The following L1CAM variants were observed in gnomAD, a reference collection of about 807,000 sequenced individuals.
L1CAM encodes L1 cell adhesion molecule.
L1CAM carries 8 observed loss-of-function variants against 93.0 expected under a neutral mutation model. The observed-to-expected ratio is 0.09, with a 90% CI of 0.05 to 0.16. The LOEUF is 0.16. Ranked by LOEUF, L1CAM falls within the 10% of genes least tolerant of loss-of-function variation. The pLI, the probability that L1CAM is intolerant of heterozygous loss-of-function variation, is 1.00. For missense variants in L1CAM, 777 were observed against 1,073.4 expected (o/e 0.72, Z 3.86); for synonymous variants, 453 against 453.0 (o/e 1.00, Z 0.00).
chrX:153,880,281 C>T (rs782050632), intron 1 of L1CAM: 76 of 147,175 alleles, frequency 5.2e-4, no homozygotes, highest in Non-Finnish European at 7.8e-4. Flanking sequence ...CCACCACACA[C>T]CTTGAGAAGG....
At chrX:153,869,980 G>A (rs782765225) in intron 9 of L1CAM, 46 bp from the exon 10 acceptor site, 13 of 1,208,088 alleles carry the variant, frequency 1.1e-5, no homozygotes, top group Non-Finnish European at 1.5e-5. Flanking sequence ...CCAGCAGCTG[G>A]CTCTTGACCC....
intron 1 of L1CAM, chrX:153,885,396 GC>G: frequency 2.0e-6 from 2 of 982,510 alleles, no homozygotes; most frequent in Non-Finnish European, 2.6e-6. Context: ...GGCGCCCTAC[GC>G]CTCCGGGGAG....
In L1CAM at chrX:153,868,829, C is replaced by T. The variant is rs376186883; in HGVS notation, c.1379+12G>A. 1.2e-5 allele frequency: 15 copies of T among 1,204,682 alleles called. No individual in the cohort carries two copies. Among genetic ancestry groups the T allele is most frequent in the African/African-American group, 8.7e-5 (5 of 57,316 alleles). ...GACACGACACTCACCACTACCAGGA[C>T]GAGACACTCACCACTGAACACTGGG... On this transcript the variant is annotated intron_variant, in intron 12 of 28. Transcript: ENST00000370060.
intron 25 of L1CAM, 103 bp from the exon 26 acceptor site, chrX:153,864,120 A>C: frequency 8.9e-7 from 1 of 1,119,081 alleles, no homozygotes; most frequent in Admixed American, 2.2e-5. Flanking sequence ...GGGGCTAAGG[A>C]GTGACAGGGA....
Position 153,868,641 on chromosome X carries a change from G to A in L1CAM, c.1466C>T (p.Ala489Val). The A allele has an allele frequency of 8.3e-7, 1 of 1,211,337 alleles. No individual in the cohort carries two copies. The change falls in exon 13 of 29, where the codon GCC becomes GTC. Residue 489 changes from alanine to valine, a missense_variant. Coordinates refer to ENST00000370060, the MANE Select transcript of L1CAM (RefSeq NM_001278116.2). The part of the protein sequence containing the change: ...NGTLGIRDLQ[A>V]NDTGRYFCLA... ...GCAGAAGTAGCGTCCGGTGTCATTG[G>A]CCTGGAGGTCTCGAATGCCCAGGGT... is the stretch of plus-strand genomic sequence containing the variant.
At chrX:153,865,605 C>A (rs2064705889) in intron 20 of L1CAM, 99 bp downstream of exon 20, 13 of 1,028,173 alleles carry the variant, frequency 1.3e-5, no homozygotes, top group Non-Finnish European at 1.6e-5. Flanking sequence ...CAACCCAAGT[C>A]TTCCAGGAGA....
intron 1 of L1CAM, 154 bp downstream of exon 1, chrX:153,885,911 C>T (rs782819687): frequency 5.9e-6 from 5 of 849,195 alleles, no homozygotes; most frequent in South Asian, 6.1e-5. Flanking sequence ...GAGCCCGACG[C>T]CCGGCATGGG....
At chrX:153,878,052 A>G (rs1449930138) in intron 1 of L1CAM, among the ~76,000 whole-genome samples, 7 of 112,447 alleles carry the variant, frequency 6.2e-5, no homozygotes, top group Non-Finnish European at 1.3e-4. Flanking sequence ...GACCACTTCA[A>G]TTCCAAACAG....
At position 153,864,707 on chromosome X, in the gene L1CAM, G is replaced by A. The variant is rs1557090166; in HGVS notation, c.3047-3C>T. 1 of 1,212,190 alleles carries A rather than the reference G, an allele frequency of 8.2e-7. No homozygotes were observed. The highest frequency in any genetic ancestry group is 2.2e-5 in the Admixed American group (1 of 46,140). ...GATGTTGCCAAAATCTGAGATCCCT[G>A]GGGGGATGCAGGGGAACGAGGAGAG... On this transcript the variant is annotated splice_region_variant and splice_polypyrimidine_tract_variant and intron_variant, in intron 23 of 28. Transcript: ENST00000370060.
Position 153,867,513 on chromosome X carries a change from T to G in L1CAM, c.1980A>C (p.Glu660Asp), listed in dbSNP as rs782503400. ...GAACCTTGCCCAGACTGTACCATTT[T>G]TCAGGCGCCATTTCCTTGTCCTCAA... Reference protein sequence around the residue: ...IEFEDKEMAPEKWYSLGKVPG... With the variant: ...IEFEDKEMAPDKWYSLGKVPG... Residue 660 changes from glutamate (E) to aspartate (D), a missense_variant, in exon 17 of 29, where the codon GAA (glutamate) becomes GAC (aspartate). Physicochemically the swap from Glu to Asp is conservative, Grantham distance 45. Around this residue, in one of 5 missense-constraint regions of L1CAM, gnomAD observed 574 missense variants for 781.0 expected, o/e 0.73. Transcript: ENST00000370060. 1 of 1,211,660 alleles carries G rather than the reference T, an allele frequency of 8.3e-7. No homozygotes were observed. The highest frequency in any genetic ancestry group is 1.1e-6 in the Non-Finnish European group (1 of 895,083).
rs138320669 is a variant in L1CAM at position 153,867,882 on chromosome X, C to T, written c.1857G>A (p.Val619=). ...GCGTCAGCAGGTGCAGGTCGGACAGCACCAGCCGTGGCACCGGCCCAGGGC... is the reference window on the plus strand; with the variant it reads ...GCGTCAGCAGGTGCAGGTCGGACAGTACCAGCCGTGGCACCGGCCCAGGGC... ...VGSPGPVPRL[V]LSDLHLLTQS... The change falls in exon 16 of 29, where the codon GTG becomes GTA. Residue 619 remains valine (V), a synonymous_variant. Transcript: ENST00000370060. 5.0e-6 allele frequency: 6 copies of T among 1,208,940 alleles called. No individual in the cohort carries two copies. The African/African-American group carries it at 8.8e-5, about 18-fold the overall frequency.
intron 25 of L1CAM, 81 bp from the exon 26 acceptor site, chrX:153,864,098 G>A (rs1186421661): frequency 1.8e-5 from 21 of 1,153,888 alleles, no homozygotes; most frequent in South Asian, 5.5e-5. Flanking sequence ...TCTTAAAGTT[G>A]GGGCCCTCTG....
chrX:153,876,284 G>A (rs2064813590), intron 1 of L1CAM: 2 of 304,879 alleles, frequency 6.6e-6, no homozygotes, highest in Admixed American at 5.5e-5. Flanking sequence ...GTGTCTGCAT[G>A]TGCAGGTGTC....
rs1387424271 is a variant in L1CAM, at chrX:153,870,398, C to T, written c.796G>A (p.Ala266Thr). The change falls in exon 8 of 29, where the codon GCC (alanine) becomes ACC (threonine). Residue 266 changes from alanine (A) to threonine (T), a missense_variant. This residue lies in a region of L1CAM where 574 missense variants were observed against 781.0 expected (regional missense o/e 0.73). Coordinates refer to ENST00000370060, the MANE Select transcript of L1CAM (RefSeq NM_001278116.2). ...GGTTCCCAGACTCACAAGCCCTCGG[C>T]GATGCACTCCAGGACCAATGGCTGC... ...QGQPLVLECIAEGFPTPTIKW... is the reference protein window; with the variant it reads ...QGQPLVLECITEGFPTPTIKW... The T allele has an allele frequency of 8.3e-7, 1 of 1,208,530 alleles. No homozygotes were observed. Among genetic ancestry groups the T allele is most frequent in the African/African-American group, 1.7e-5 (1 of 57,551 alleles).
At chrX:153,885,204 G>A (rs2064871407) in intron 1 of L1CAM, among the ~76,000 whole-genome samples, 1 of 113,194 alleles carries the variant, frequency 8.8e-6, no homozygotes, top group South Asian at 3.6e-4. Context: ...TGTGGCAGTG[G>A]GCAAAAGACC....
chrX:153,864,951 G>A lies in L1CAM; in HGVS notation c.2916C>T (p.Asp972=). ...TCAGGTTGTGTGTCCGAAGTTCGGGGTCCCGAAGGTTGAAGGACAGTTGCC... is the reference window on the plus strand; with the variant it reads ...TCAGGTTGTGTGTCCGAAGTTCGGGATCCCGAAGGTTGAAGGACAGTTGCC... ...GKGQLSFNLR[D]PELRTHNLTD... The change falls in exon 23 of 29, where the codon GAC becomes GAT. Residue 972 remains aspartate, a synonymous_variant. Coordinates refer to ENST00000370060, the MANE Select transcript of L1CAM (RefSeq NM_001278116.2). The A allele has an allele frequency of 8.2e-7, 1 of 1,212,351 alleles. No homozygotes were observed. Among genetic ancestry groups the A allele is most frequent in the South Asian group, 1.8e-5 (1 of 57,031 alleles).
intron 7 of L1CAM, 79 bp from the exon 8 acceptor site, chrX:153,870,578 C>A: frequency 2.2e-6 from 2 of 893,650 alleles, no homozygotes; most frequent in South Asian, 2.1e-5. Context: ...ACTCGACACT[C>A]CAGCCAGCCC....
intron 2 of L1CAM, among the ~76,000 whole-genome samples, chrX:153,874,777 G>C (rs2064800097): frequency 1.8e-5 from 2 of 112,121 alleles, no homozygotes; most frequent in Non-Finnish European, 3.8e-5. Context: ...AGACACAAAT[G>C]CCCTCACACA....
intron 22 of L1CAM, 44 bp downstream of exon 22, chrX:153,865,044 C>T (rs201986895): frequency 3.2e-5 from 39 of 1,210,617 alleles, no homozygotes; most frequent in South Asian, 3.0e-4. Context: ...GCCCCCTCCC[C>T]GTGGCCCCTC....
Sources: allele counts gnomAD v4.1 joint callset (sites outside exome capture counted in the v4.1 genomes callset), GRCh38; gene constraint gnomAD v4.1.1; regional missense constraint gnomAD v4.1.1; transcripts MANE v1.5; gene names NCBI Gene and HGNC (gene_info 2026-07-23, HGNC 2026-07-21).